Variants in TPST2 observed in about 807,000 individuals in gnomAD.
TPST2 encodes protein-tyrosine sulfotransferase 2.
TPST2 carries 16 observed loss-of-function variants against 27.8 expected under a neutral mutation model. That is an observed-to-expected ratio of 0.58 (90% confidence interval 0.39 to 0.88). TPST2 has a LOEUF of 0.88. Ranked by LOEUF, TPST2 falls within the 40% of genes least tolerant of loss-of-function variation. The probability of loss-of-function intolerance (pLI) is 0.00; values close to 1 mark genes in which losing one functional copy is unlikely to be tolerated. For missense variants in TPST2, 464 were observed against 543.1 expected, an observed-to-expected ratio of 0.85 and a Z score of 1.45; for synonymous variants, 229 against 231.7, an observed-to-expected ratio of 0.99 and a Z score of 0.10.
chr22:26,546,558 A>G (rs1399588350), intron 1 of TPST2, among the ~76,000 whole-genome samples: 1 of 152,246 alleles, frequency 6.6e-6, no homozygotes, highest in African/African-American at 2.4e-5. Context: ...CAGGGAACAC[A>G]GGCCCTTTCA....
intron 1 of TPST2, among the ~76,000 whole-genome samples, chr22:26,558,164 CACAT>C (rs1569189009): frequency 2.9e-5 from 3 of 105,162 alleles, no homozygotes; most frequent in African/African-American, 1.1e-4. Context: ...CACACACACA[CACAT>C]ATATATGTCG....
At chr22:26,530,579 C>CT (rs1253534271) in intron 5 of TPST2, among the ~76,000 whole-genome samples, 1 of 145,960 alleles carries the variant, frequency 6.9e-6, no homozygotes, top group Non-Finnish European at 1.5e-5. Flanking sequence ...TTGCAGTGGG[C>CT]TGAGATGGCG....
At chr22:26,578,349 C>T (rs1352535013) in intron 1 of TPST2, among the ~76,000 whole-genome samples, 1 of 152,182 alleles carries the variant, frequency 6.6e-6, no homozygotes, top group African/African-American at 2.4e-5. Flanking sequence ...CCAGCAGGAA[C>T]AGCGCTTAGG....
chr22:26,538,068 C>T (rs575320684), intron 3 of TPST2, among the ~76,000 whole-genome samples: 50 of 152,326 alleles, frequency 3.3e-4, no homozygotes, highest in South Asian at 8.3e-4. Context: ...GCAGATCTTA[C>T]CAATTATAAC....
Position 26,541,609 on chromosome 22 carries a change from C to A in TPST2, c.22G>T (p.Val8Leu), listed in dbSNP as rs751056241. Residue 8 changes from valine to leucine, a missense_variant, in exon 3 of 7, where the codon GTG becomes TTG. Coordinates refer to ENST00000338754, the MANE Select transcript of TPST2 (RefSeq NM_003595.5). The surrounding 1 kb of genome is among the most constrained non-coding windows in gnomAD (Gnocchi z 5.9). Reference protein sequence around the residue: MRLSVRRVLLAAGCALVL... With the variant: MRLSVRRLLLAAGCALVL... ...AGGGCGCAGCCGGCTGCCAGCAGCA[C>A]CCTCCGCACCGACAGGCGCATGCTG... 2 of 1,587,650 alleles carry A rather than the reference C, an allele frequency of 1.3e-6. No individual in the cohort carries two copies. Among genetic ancestry groups the A allele is most frequent in the Non-Finnish European group, 1.7e-6 (2 of 1,171,048 alleles).
Position 26,536,351 on chromosome 22 carries a change from G to A in TPST2, c.978C>T (p.Asp326=). ...IAPMLAQLGY[D]PYANPPNYGN... ...CATAGTTGGGGGGGTTTGCATAAGG[G>A]TCATAGCCGAGCTGAGCCAGCATGG... The change falls in exon 4 of 7, where the codon GAC becomes GAT. Residue 326 remains aspartate, a synonymous_variant. Coordinates refer to ENST00000338754, the MANE Select transcript of TPST2 (RefSeq NM_003595.5). 1 of 1,612,720 alleles carries A rather than the reference G, an allele frequency of 6.2e-7. No homozygotes were observed. Among genetic ancestry groups the A allele is most frequent in the East Asian group, 2.2e-5 (1 of 44,830 alleles).
At chr22:26,528,327 G>A in intron 5 of TPST2, 65 bp from the exon 6 acceptor site, 1 of 1,530,090 alleles carries the variant, frequency 6.5e-7, no homozygotes, top group Non-Finnish European at 8.9e-7. Flanking sequence ...GCTGTATTGA[G>A]GGTCACCCCT....
chr22:26,528,266 G>A lies in TPST2; in HGVS notation c.1093-4C>T. ...AGGAGGTGCTGTTCTGGTTCACCTG[G>A]AGAAAGACAATACACAGAAGAAGGG... is the stretch of plus-strand genomic sequence containing the variant. On this transcript the variant is annotated splice_polypyrimidine_tract_variant and splice_region_variant and intron_variant, in intron 5 of 6. Transcript: ENST00000338754. 2.6e-6 allele frequency: 4 copies of A among 1,561,470 alleles called. No homozygotes were observed. Among genetic ancestry groups the A allele is most frequent in the Non-Finnish European group, 3.5e-6 (4 of 1,151,194 alleles).
chr22:26,537,510 T>G (rs1925536006), intron 3 of TPST2, among the ~76,000 whole-genome samples: 1 of 152,226 alleles, frequency 6.6e-6, no homozygotes, highest in African/African-American at 2.4e-5. Context: ...TGGAGTGCAG[T>G]GGCACAATCT....
intron 2 of TPST2, among the ~76,000 whole-genome samples, chr22:26,543,447 G>A (rs115390781): frequency 9.4e-4 from 143 of 152,234 alleles, no homozygotes; most frequent in African/African-American, 3.3e-3. Context: ...GGATTTCAGT[G>A]ACAGCATCCC....
At chr22:26,547,786 G>C (rs1926205471) in intron 1 of TPST2, among the ~76,000 whole-genome samples, 1 of 152,170 alleles carries the variant, frequency 6.6e-6, no homozygotes, top group African/African-American at 2.4e-5. Context: ...CTGTACTCCA[G>C]CTTGGATGAC....
In TPST2 at chr22:26,528,243, G is replaced by C. The variant is rs1017949789; in HGVS notation, c.1112C>G (p.Ser371Cys). 6.4e-7 allele frequency: 1 copy of C among 1,564,778 alleles called. No individual in the cohort carries two copies. The highest frequency in any genetic ancestry group is 1.4e-5 in the African/African-American group (1 of 73,998). The change falls in exon 6 of 7, where the codon TCC (serine) becomes TGC (cysteine). Residue 371 changes from serine to cysteine, a missense_variant. Coordinates refer to ENST00000338754, the MANE Select transcript of TPST2 (RefSeq NM_003595.5). ...AAATCACGAGCTTCCTAAGTGGGAG[G>C]AGGTGCTGTTCTGGTTCACCTGGAG... ...GYFQVNQNST[S>C]SHLGSS
In TPST2 at chr22:26,525,759, A is replaced by G. The variant is rs4275; in HGVS notation, c.*516T>C. The G allele has an allele frequency of 0.36, 54,560 of 152,434 alleles. 10,786 individuals are homozygous for G. Among genetic ancestry groups the G allele is most frequent in the Non-Finnish European group, 0.43 (29,188 of 67,958 alleles). The allele number at this position is 152,434 out of a possible 1,614,324, so 9.4% of individuals were successfully genotyped here. On this transcript the variant is annotated 3_prime_UTR_variant, in exon 7 of 7. Transcript: ENST00000338754. ...AAAAACCCTATTCATTCAGTAAAGTAAGGCACAAACAAATGAGCCTCTGTT... is the reference window on the plus strand; with the variant it reads ...AAAAACCCTATTCATTCAGTAAAGTGAGGCACAAACAAATGAGCCTCTGTT...
chr22:26,545,480 A>G (rs914073166), intron 1 of TPST2, among the ~76,000 whole-genome samples: 2 of 152,342 alleles, frequency 1.3e-5, no homozygotes, highest in South Asian at 4.1e-4. Context: ...CAGGGAGTAT[A>G]TATCTCCCAG....
At chr22:26,543,705 G>A (rs1925977883) in intron 2 of TPST2, among the ~76,000 whole-genome samples, 1 of 152,244 alleles carries the variant, frequency 6.6e-6, no homozygotes, top group Admixed American at 6.5e-5. Flanking sequence ...AAGAGATGAA[G>A]CAGCTTGCCC....
chr22:26,572,664 G>A (rs1927675632), intron 1 of TPST2, among the ~76,000 whole-genome samples: 1 of 152,008 alleles, frequency 6.6e-6, no homozygotes, highest in African/African-American at 2.4e-5. Flanking sequence ...ATGTCTCACA[G>A]TCCCCTCTGC....
intron 1 of TPST2, among the ~76,000 whole-genome samples, chr22:26,570,070 A>AGAAAGAAAGAAAGAAAGAAAGAAAGAAG (rs1569194001): frequency 6.6e-6 from 1 of 150,760 alleles, no homozygotes; most frequent in African/African-American, 2.4e-5. Flanking sequence ...AAAGAAGGAA[A>AGAAAGAAAGAAAGAAAGAAAGAAAGAAG]GAAAGAAAGA....
At chr22:26,527,361 G>C (rs1924898270) in intron 6 of TPST2, among the ~76,000 whole-genome samples, 1 of 152,128 alleles carries the variant, frequency 6.6e-6, no homozygotes, top group Non-Finnish European at 1.5e-5. Flanking sequence ...TCCACAGCGA[G>C]GGCCCAGCAC....
chr22:26,549,169 T>C (rs565456442), intron 1 of TPST2, among the ~76,000 whole-genome samples: 1 of 152,376 alleles, frequency 6.6e-6, no homozygotes, highest in African/African-American at 2.4e-5. Context: ...AAGTGCTACC[T>C]GCCTGCTGGC....
Sources: gnomAD v4.1 joint callset for allele counts (sites outside exome capture counted in the v4.1 genomes callset) on GRCh38, gnomAD v4.1.1 for gene constraint, Gnocchi (gnomAD v3.1) non-coding constraint, MANE v1.5 for transcripts, NCBI Gene and HGNC (gene_info 2026-07-23, HGNC 2026-07-21) for gene names.